Variants in FA2H observed in about 807,000 individuals in gnomAD.
FA2H encodes fatty acid 2-hydroxylase, also known as fatty acid alpha-hydroxylase.
FA2H carries 22 observed loss-of-function variants against 44.9 expected under a neutral mutation model. The ratio of observed to expected loss-of-function variants is 0.49; its 90% CI spans 0.35 to 0.70. FA2H has a LOEUF of 0.70. FA2H is among the 30% of genes least tolerant of loss of function. The probability of loss-of-function intolerance (pLI) is 0.01; values close to 1 mark genes in which losing one functional copy is unlikely to be tolerated. For synonymous variants in FA2H, 243 were observed against 213.2 expected (o/e 1.14, Z -1.22); for missense variants, 501 against 504.9 (o/e 0.99, Z 0.07).
chr16:74,758,117 C>CT lies in FA2H; in HGVS notation c.270+16368dup, dbSNP rs71378706. 4.1e-3 allele frequency among the ~76,000 whole-genome samples: 465 copies of CT among 113,554 alleles called. 3 individuals are homozygous for CT. The highest frequency in any genetic ancestry group is 0.024 in the East Asian group (93 of 3,952). The allele number at this position is 113,554 out of a possible 152,430, so 74.5% of individuals were successfully genotyped here. A position where few individuals can be genotyped will look rare whatever the true frequency, so the allele number is the denominator to read the frequency against. On this transcript the variant is annotated intron_variant, in intron 1 of 6. Coordinates refer to ENST00000219368, the MANE Select transcript of FA2H (RefSeq NM_024306.5). Reference sequence around the variant, plus strand: ...GGACTAGAGTGAGAGGGAAACAATTCTTTTTTTTTTTTTTTTTTTTTGAGA... The same window carrying CT: ...GGACTAGAGTGAGAGGGAAACAATTCTTTTTTTTTTTTTTTTTTTTTTGAGA...
intron 2 of FA2H, among the ~76,000 whole-genome samples, chr16:74,729,632 A>C (rs550108513): frequency 6.6e-6 from 1 of 152,316 alleles, no homozygotes; most frequent in African/African-American, 2.4e-5. Flanking sequence ...GAAGCCCTTG[A>C]GGATTTCTGA....
Position 74,774,791 on chromosome 16 carries a change from G to C in FA2H, c.-36C>G. The C allele has an allele frequency of 7.8e-7, 1 of 1,274,940 alleles. No homozygotes were observed. Among genetic ancestry groups the C allele is most frequent in the Non-Finnish European group, 9.8e-7 (1 of 1,016,618 alleles). 79.0% of individuals were successfully genotyped at this position (1,274,940 alleles called of 1,614,324 possible). A position where few individuals can be genotyped will look rare whatever the true frequency, so the allele number is the denominator to read the frequency against. ...CGCAGCTCCCAGCGCGCAGCCCGGC[G>C]TCTGCTCTGCTGCCACCCTGAGCGC... On this transcript the variant is annotated 5_prime_UTR_variant, in exon 1 of 7. Transcript: ENST00000219368.
At chr16:74,745,669 G>A (rs1962407074) in intron 1 of FA2H, among the ~76,000 whole-genome samples, 1 of 152,188 alleles carries the variant, frequency 6.6e-6, no homozygotes, top group Non-Finnish European at 1.5e-5. Context: ...ACACAGGAGA[G>A]AAGCCTTTGA....
chr16:74,762,234 G>T (rs112240319), intron 1 of FA2H, among the ~76,000 whole-genome samples: 1 of 152,080 alleles, frequency 6.6e-6, no homozygotes, highest in Non-Finnish European at 1.5e-5. Flanking sequence ...TAGTAGAGAC[G>T]GGGTTTCACC....
intron 1 of FA2H, among the ~76,000 whole-genome samples, chr16:74,771,410 C>G (rs879640740): frequency 6.6e-6 from 1 of 151,840 alleles, no homozygotes; most frequent in South Asian, 2.1e-4. Context: ...AGGCTGATGT[C>G]GAACTCCTGA....
rs774188909 is a variant in FA2H at position 74,713,684 on chromosome 16, G to C, written c.*506C>G. 14 of 158,466 alleles carry C rather than the reference G, an allele frequency of 8.8e-5. No individual in the cohort carries two copies. The highest frequency in any genetic ancestry group is 1.8e-4 in the Non-Finnish European group (13 of 71,284). 9.8% of individuals were successfully genotyped at this position (158,466 alleles called of 1,614,324 possible). ...GGGAGGCATCACGCTGTCTCTTCTT[G>C]CGAGAGCTCTTTGTCCACCTCAGAG... is the stretch of plus-strand genomic sequence containing the variant. On this transcript the variant is annotated 3_prime_UTR_variant, in exon 7 of 7. Transcript: ENST00000219368.
At chr16:74,755,823 G>A (rs1257077179) in intron 1 of FA2H, among the ~76,000 whole-genome samples, 1 of 152,008 alleles carries the variant, frequency 6.6e-6, no homozygotes, top group Non-Finnish European at 1.5e-5. Flanking sequence ...TATAAAGCTG[G>A]TGTTAAATTT....
In FA2H at chr16:74,735,308, C is replaced by T. The variant is rs181554419; in HGVS notation, c.363+4715G>A. Among the ~76,000 whole-genome samples the T allele has an allele frequency of 5.3e-5, 8 of 152,178 alleles. No homozygotes were observed. In the East Asian group the frequency reaches 9.7e-4, roughly 18 times the overall value. ...GAGGTGGGGCTCTTGGTGGCGTTGC[C>T]GGAGTGGCTGCAGGCCCGTCCTGCG... On this transcript the variant is annotated intron_variant, in intron 2 of 6. Coordinates refer to ENST00000219368, the MANE Select transcript of FA2H (RefSeq NM_024306.5).
At chr16:74,740,621 AAT>A (rs1962275839) in intron 1 of FA2H, among the ~76,000 whole-genome samples, 1 of 2,708 alleles carries the variant, frequency 3.7e-4, no homozygotes, top group Non-Finnish European at 1.9e-3. Flanking sequence ...TCCATCTCAA[AAT>A]AATAATAATA....
chr16:74,743,946 T>C (rs567377226), intron 1 of FA2H, among the ~76,000 whole-genome samples: 51 of 152,164 alleles, frequency 3.4e-4, no homozygotes, highest in Middle Eastern at 3.4e-3. Context: ...CTCCGGTGCA[T>C]TGTTCATTAA....
Position 74,774,527 on chromosome 16 carries a change from G to A in FA2H, c.229C>T (p.Leu77=), listed in dbSNP as rs929881. The A allele has an allele frequency of 0.3, 470,429 of 1,544,230 alleles. 75,258 individuals are homozygous for A. The highest frequency in any genetic ancestry group is 0.44 in the African/African-American group (31,727 of 71,922). ...AGCTCTCCCACGTAGTACTGCTCCA[G>A]CCAGCGGCGCGCGTTGGCCGAGTGC... The part of the protein sequence containing the change: ...HRHSANARRW[L]EQYYVGELRG... Residue 77 remains leucine (L), a synonymous_variant, in exon 1 of 7, where the codon CTG becomes TTG. Coordinates refer to ENST00000219368, the MANE Select transcript of FA2H (RefSeq NM_024306.5).
intron 2 of FA2H, among the ~76,000 whole-genome samples, chr16:74,734,627 G>A (rs1364018192): frequency 6.6e-6 from 1 of 152,236 alleles, no homozygotes; most frequent in Non-Finnish European, 1.5e-5. Context: ...GCTGCCCAGA[G>A]GGTGGGCGGA....
intron 5 of FA2H, among the ~76,000 whole-genome samples, chr16:74,717,383 A>C (rs34219496): frequency 6.6e-6 from 1 of 152,022 alleles, no homozygotes; most frequent in Non-Finnish European, 1.5e-5. Flanking sequence ...AGGACCAGTG[A>C]TGTGCTGGAA....
Position 74,714,162 on chromosome 16 carries a change from G to C in FA2H, c.*28C>G. 2 of 1,478,552 alleles carry C rather than the reference G, an allele frequency of 1.4e-6. No homozygotes were observed. Among genetic ancestry groups the C allele is most frequent in the Non-Finnish European group, 1.9e-6 (2 of 1,080,626 alleles). 91.6% of individuals were successfully genotyped at this position (1,478,552 alleles called of 1,614,324 possible). A position where few individuals can be genotyped will look rare whatever the true frequency, so the allele number is the denominator to read the frequency against. On this transcript the variant is annotated 3_prime_UTR_variant, in exon 7 of 7. Transcript: ENST00000219368. ...GTCGGGAAGGGGCCAGGGCCGGGCT[G>C]AGGGCAGGACGGAGGGGGTGGGAGT...
intron 2 of FA2H, among the ~76,000 whole-genome samples, chr16:74,732,159 T>A (rs1211267760): frequency 6.6e-6 from 1 of 151,932 alleles, no homozygotes; most frequent in African/African-American, 2.4e-5. Flanking sequence ...GCTGGGCTTA[T>A]GAGCATGAGC....
chr16:74,763,109 G>A (rs953955742), intron 1 of FA2H, among the ~76,000 whole-genome samples: 2 of 152,154 alleles, frequency 1.3e-5, no homozygotes, highest in African/African-American at 4.8e-5. Flanking sequence ...CCAAAGTGTA[G>A]GCCTTGATCA....
Position 74,719,087 on chromosome 16 carries a change from G to C in FA2H, c.687C>G (p.Ile229Met). 6.2e-7 allele frequency: 1 copy of C among 1,614,048 alleles called. No individual in the cohort carries two copies. The part of the protein sequence containing the change: ...FMLGTFLWSL[I>M]EYLIHRFLFH... The stretch of plus-strand genomic sequence containing the variant: ...ACAGGAAGCGGTGGATGAGGTACTC[G>C]ATGAGGCTCCAGAGGAATGTCCCCA... The change falls in exon 5 of 7, where the codon ATC becomes ATG. Residue 229 changes from isoleucine (I) to methionine (M), a missense_variant. Physicochemically the swap from Ile to Met is conservative, Grantham distance 10. Coordinates refer to ENST00000219368, the MANE Select transcript of FA2H (RefSeq NM_024306.5).
chr16:74,716,579 G>A lies in FA2H; in HGVS notation c.807C>T (p.Arg269=). 1 of 1,581,906 alleles carries A rather than the reference G, an allele frequency of 6.3e-7. No homozygotes were observed. The highest frequency in any genetic ancestry group is 8.6e-7 in the Non-Finnish European group (1 of 1,164,602). The change falls in exon 6 of 7, where the codon CGC becomes CGT. Residue 269 remains arginine (R), a synonymous_variant. Coordinates refer to ENST00000219368, the MANE Select transcript of FA2H (RefSeq NM_024306.5). ...QHHKAPFDGS[R]LVFPPVPASL... is the part of the protein sequence containing the mutation. ...AGGCTGGCACAGGGGGGAAGACCAG[G>A]CGGGAGCCGTCGAAGGGTGCCTGCA... is the stretch of plus-strand genomic sequence containing the variant.
At chr16:74,747,694 C>T (rs1277766697) in intron 1 of FA2H, among the ~76,000 whole-genome samples, 3 of 152,124 alleles carry the variant, frequency 2.0e-5, no homozygotes, top group Non-Finnish European at 2.9e-5. Context: ...TGGCAGCCCC[C>T]AGCAGCTCAG....
Sources: gnomAD v4.1 joint callset for allele counts (sites outside exome capture counted in the v4.1 genomes callset) on GRCh38, gnomAD v4.1.1 for gene constraint, MANE v1.5 for transcripts, NCBI Gene and HGNC (gene_info 2026-07-23, HGNC 2026-07-21) for gene names.